Variants in NR5A2 observed in about 807,000 individuals in gnomAD.
NR5A2 encodes CYP7A promoter-binding factor.
Under a neutral mutation model 62.7 loss-of-function variants are expected in NR5A2, and 26 were observed. That is an observed-to-expected ratio of 0.41 (90% CI 0.30 to 0.58). The LOEUF is 0.58. Ranked by LOEUF, NR5A2 falls within the 20% of genes least tolerant of loss-of-function variation. The probability of loss-of-function intolerance (pLI) is 0.22; values close to 1 mark genes in which losing one functional copy is unlikely to be tolerated. For synonymous variants in NR5A2, 246 were observed against 241.7 expected, an observed-to-expected ratio of 1.02 and a Z score of -0.16; for missense variants, 541 against 669.1, an observed-to-expected ratio of 0.81 and a Z score of 2.11.
intron 7 of NR5A2, among the ~76,000 whole-genome samples, chr1:200,124,933 TTTGAAACTTAAAGC>T (rs1666637646): frequency 6.6e-6 from 1 of 152,128 alleles, no homozygotes; most frequent in Non-Finnish European, 1.5e-5. Flanking sequence ...AAACAAATAG[TTTGAAACTTAAAGC>T]GAAGCCTTTA....
At chr1:200,106,136 C>T (rs1345836365) in intron 5 of NR5A2, among the ~76,000 whole-genome samples, 4 of 150,838 alleles carry the variant, frequency 2.7e-5, no homozygotes, top group Non-Finnish European at 5.9e-5. Context: ...CGGCTCATTG[C>T]AACCTCTGCC....
At chr1:200,069,053 C>T (rs1663621821) in intron 5 of NR5A2, among the ~76,000 whole-genome samples, 1 of 152,134 alleles carries the variant, frequency 6.6e-6, no homozygotes, top group Non-Finnish European at 1.5e-5. Context: ...TTTATAGCCT[C>T]ATTAGACACT....
chr1:200,053,806 G>A lies in NR5A2; in HGVS notation c.1110+4988G>A, dbSNP rs187285764. ...TTAAAAAGCTACAATAATTCTTTCAGGCCACTGGGGTATCATTCAGTACAG... is the reference window on the plus strand; with the variant it reads ...TTAAAAAGCTACAATAATTCTTTCAAGCCACTGGGGTATCATTCAGTACAG... On this transcript the variant is annotated intron_variant, in intron 5 of 7. Transcript: ENST00000367362. Among the ~76,000 whole-genome samples, 487 of 152,222 alleles carry A rather than the reference G, an allele frequency of 3.2e-3. 3 individuals carry two copies. Among genetic ancestry groups the A allele is most frequent in the Non-Finnish European group, 5.7e-3 (390 of 68,020 alleles).
intron 7 of NR5A2, among the ~76,000 whole-genome samples, chr1:200,143,253 T>C (rs1003992994): frequency 6.6e-6 from 1 of 152,130 alleles, no homozygotes; most frequent in African/African-American, 2.4e-5. Context: ...TCCTATATGG[T>C]GTTTAGGCTT....
chr1:200,167,800 C>T (rs1266734232), intron 7 of NR5A2, among the ~76,000 whole-genome samples: 2 of 152,144 alleles, frequency 1.3e-5, no homozygotes, highest in African/African-American at 4.8e-5. Context: ...TGTATATAGA[C>T]CACTGTCTGC....
chr1:200,094,206 A>T (rs1472505259), intron 5 of NR5A2, among the ~76,000 whole-genome samples: 4 of 148,982 alleles, frequency 2.7e-5, no homozygotes, highest in African/African-American at 9.9e-5. Flanking sequence ...TTTTTTGGAG[A>T]CAGAGTGTTG....
intron 7 of NR5A2, among the ~76,000 whole-genome samples, chr1:200,163,749 G>T (rs1653765014): frequency 6.6e-6 from 1 of 152,086 alleles, no homozygotes. Context: ...CAAAGTGCTG[G>T]GATTACAAGC....
chr1:200,039,657 G>A lies in NR5A2; in HGVS notation c.65-1G>A, dbSNP rs1351456061. ...GTTGAATCTGTGCTGCCCGTGTCCA[G>A]GTGCTGGGCTTCCGGACCGACACGG... On this transcript the variant is annotated splice_acceptor_variant, in intron 1 of 7. Coordinates refer to ENST00000367362, the MANE Select transcript of NR5A2 (RefSeq NM_205860.3). LOFTEE classifies it high-confidence loss of function. This position sits in a 1 kb window ranked among gnomAD's most constrained non-coding sequence, Gnocchi z 5.1. 1 of 1,612,182 alleles carries A rather than the reference G, an allele frequency of 6.2e-7. No individual in the cohort carries two copies. Among genetic ancestry groups the A allele is most frequent in the African/African-American group, 1.3e-5 (1 of 74,630 alleles).
intron 7 of NR5A2, among the ~76,000 whole-genome samples, chr1:200,162,020 G>T (rs1311849805): frequency 1.3e-5 from 2 of 152,196 alleles, no homozygotes; most frequent in African/African-American, 4.8e-5. Context: ...GCTTGCCTGG[G>T]AAGATGCAAT....
intron 7 of NR5A2, among the ~76,000 whole-genome samples, chr1:200,127,340 C>T (rs757532952): frequency 6.6e-6 from 1 of 152,026 alleles, no homozygotes; most frequent in Admixed American, 6.6e-5. Flanking sequence ...ACAGTCAGCC[C>T]TCTGTAGCTG....
intron 5 of NR5A2, among the ~76,000 whole-genome samples, chr1:200,097,702 C>T (rs1665163552): frequency 1.3e-5 from 2 of 152,174 alleles, no homozygotes; most frequent in Admixed American, 6.5e-5. Context: ...CTACAGAGTC[C>T]TTGCCTCATG....
intron 7 of NR5A2, among the ~76,000 whole-genome samples, chr1:200,138,374 T>G (rs1019302829): frequency 2.6e-5 from 4 of 152,196 alleles, no homozygotes; most frequent in African/African-American, 9.6e-5. Flanking sequence ...CTGTTTTAAT[T>G]TGTATTTCTG....
chr1:200,050,661 C>A (rs1037829943), intron 5 of NR5A2, among the ~76,000 whole-genome samples: 1 of 152,126 alleles, frequency 6.6e-6, no homozygotes. Context: ...GAGGCCAAGG[C>A]GGGCGGATCA....
At chr1:200,131,855 A>G (rs768471328) in intron 7 of NR5A2, among the ~76,000 whole-genome samples, 4 of 152,204 alleles carry the variant, frequency 2.6e-5, no homozygotes, top group Non-Finnish European at 4.4e-5. Context: ...TGTTTGGTTA[A>G]GAAGGTTAAA....
At chr1:200,132,671 C>G (rs1667016301) in intron 7 of NR5A2, among the ~76,000 whole-genome samples, 2 of 152,200 alleles carry the variant, frequency 1.3e-5, no homozygotes, top group Non-Finnish European at 2.9e-5. Context: ...GCCAGGCAAA[C>G]TAGGAATAAC....
intron 5 of NR5A2, among the ~76,000 whole-genome samples, chr1:200,074,738 A>AAAAAAAAAT (rs1663937733): frequency 1.3e-5 from 1 of 75,272 alleles, no homozygotes; most frequent in African/African-American, 4.9e-5. Context: ...GTCCATCTCA[A>AAAAAAAAAT]AAAAAAAAAA....
At chr1:200,129,508 G>A (rs1214144474) in intron 7 of NR5A2, among the ~76,000 whole-genome samples, 3 of 152,098 alleles carry the variant, frequency 2.0e-5, no homozygotes, top group Non-Finnish European at 2.9e-5. Flanking sequence ...CTTTTTGTCC[G>A]ATAGGAAGTA....
rs941148166 is a variant in NR5A2, at chr1:200,176,533, T to G, written c.*2323T>G. On this transcript the variant is annotated 3_prime_UTR_variant, in exon 8 of 8. Coordinates refer to ENST00000367362, the MANE Select transcript of NR5A2 (RefSeq NM_205860.3). The stretch of plus-strand genomic sequence containing the variant: ...AGAAGATACATGGAGAGGAATGGTG[T>G]GGTCAACAGTTAATGAAACGGTTCT... 6.6e-6 allele frequency: 1 copy of G among 152,238 alleles called. No homozygotes were observed. Among genetic ancestry groups the G allele is most frequent in the African/African-American group, 2.4e-5 (1 of 41,444 alleles). The allele number at this position is 152,238 out of a possible 1,614,324, so 9.4% of individuals were successfully genotyped here. A position where few individuals can be genotyped will look rare whatever the true frequency, so the allele number is the denominator to read the frequency against.
intron 7 of NR5A2, among the ~76,000 whole-genome samples, chr1:200,168,286 A>T (rs1654005474): frequency 6.7e-6 from 1 of 150,068 alleles, no homozygotes; most frequent in African/African-American, 2.5e-5. Flanking sequence ...ATTACAGCCT[A>T]CTGTACTTGA....
Sources: gnomAD v4.1 joint callset for allele counts (sites outside exome capture counted in the v4.1 genomes callset) on GRCh38, gnomAD v4.1.1 for gene constraint, Gnocchi (gnomAD v3.1) non-coding constraint, MANE v1.5 for transcripts, NCBI Gene and HGNC (gene_info 2026-07-23, HGNC 2026-07-21) for gene names.